Variants in APBB2 observed in about 807,000 individuals in gnomAD.
The protein encoded by APBB2 is Fe65-like 1.
APBB2 carries 38 observed loss-of-function variants against 82.5 expected under a neutral mutation model. The ratio of observed to expected loss-of-function variants is 0.46; its 90% CI spans 0.36 to 0.60. The LOEUF (loss-of-function observed/expected upper bound fraction) is 0.60. Ranked by LOEUF, APBB2 falls within the 20% of genes least tolerant of loss-of-function variation. The pLI is 0.00. For missense variants in APBB2, 772 were observed against 972.3 expected (o/e 0.79, Z 2.74); for synonymous variants, 341 against 368.2 (o/e 0.93, Z 0.85).
intron 12 of APBB2, among the ~76,000 whole-genome samples, chr4:40,876,532 T>C (rs768466227): frequency 6.6e-6 from 1 of 152,220 alleles, no homozygotes; most frequent in African/African-American, 2.4e-5. Context: ...GTATATACCG[T>C]TGTCGCTTGG....
intron 3 of APBB2, among the ~76,000 whole-genome samples, chr4:41,096,938 C>G: frequency 6.6e-6 from 1 of 152,314 alleles, no homozygotes; most frequent in Middle Eastern, 3.4e-3. Context: ...ACAATAGTTG[C>G]TCAACAAATG....
chr4:41,059,170 A>G (rs1263398728), intron 4 of APBB2, among the ~76,000 whole-genome samples: 1 of 152,158 alleles, frequency 6.6e-6, no homozygotes, highest in Non-Finnish European at 1.5e-5. Context: ...CAAGAAAACA[A>G]TAACATTAGG....
chr4:41,073,471 A>G (rs776105016), intron 3 of APBB2, among the ~76,000 whole-genome samples: 1 of 152,110 alleles, frequency 6.6e-6, no homozygotes, highest in Non-Finnish European at 1.5e-5. Flanking sequence ...AATTTCTTCT[A>G]TTCTCTTTGT....
Position 40,823,681 on chromosome 4 carries a change from T to A in APBB2, c.1895A>T (p.Asn632Ile). 1.2e-6 allele frequency: 2 copies of A among 1,613,952 alleles called. No homozygotes were observed. Among genetic ancestry groups the A allele is most frequent in the Non-Finnish European group, 1.7e-6 (2 of 1,179,918 alleles). The stretch of plus-strand genomic sequence containing the variant: ...GACAGTCACAGTGGCATCAGCCACG[T>A]TCATGTTCACTGACAGCCAGTCCTC... ...NKEDWLSVNM[N>I]VADATVTVIS... Residue 632 changes from asparagine to isoleucine, a missense_variant, in exon 16 of 18, where the codon AAC (asparagine) becomes ATC (isoleucine). Physicochemically the swap from Asn to Ile is moderately radical, Grantham distance 149 (BLOSUM62 -3). Coordinates refer to ENST00000508593, the MANE Select transcript of APBB2 (RefSeq NM_004307.2).
intron 6 of APBB2, among the ~76,000 whole-genome samples, chr4:40,982,387 G>GGAAAGGAAAGGAAAGGA (rs1553894022): frequency 9.1e-5 from 1 of 11,008 alleles, no homozygotes; most frequent in African/African-American, 2.6e-4. Context: ...AGGAAGGAAG[G>GGAAAGGAAAGGAAAGGA]AAGGAAAGGA....
intron 5 of APBB2, among the ~76,000 whole-genome samples, chr4:41,022,480 C>A (rs1712034426): frequency 6.6e-6 from 1 of 152,198 alleles, no homozygotes. Context: ...CCCTTCCTTC[C>A]CTCCAGCAAA....
At chr4:41,174,481 T>C (rs1025692528) in intron 1 of APBB2, among the ~76,000 whole-genome samples, 5 of 152,166 alleles carry the variant, frequency 3.3e-5, no homozygotes, top group Non-Finnish European at 1.5e-5. Flanking sequence ...AGCTCATAAC[T>C]AGTAGGAGAC....
At chr4:40,972,445 T>TAAATAAATAAATAAATA (rs372950734) in intron 6 of APBB2, among the ~76,000 whole-genome samples, 38 of 146,986 alleles carry the variant, frequency 2.6e-4, no homozygotes, top group Non-Finnish European at 4.6e-4. Context: ...AAAAAAATAA[T>TAAATAAATAAATAAATA]AATAAATAAA....
chr4:41,184,634 T>TA (rs1356221347), intron 1 of APBB2, among the ~76,000 whole-genome samples: 1 of 152,212 alleles, frequency 6.6e-6, no homozygotes, highest in Non-Finnish European at 1.5e-5. Flanking sequence ...TTTAAGTACT[T>TA]ATTGTGGCAG....
At chr4:41,004,830 C>A (rs1414659506) in intron 6 of APBB2, among the ~76,000 whole-genome samples, 12 of 75,120 alleles carry the variant, frequency 1.6e-4, no homozygotes, top group African/African-American at 4.1e-4. Flanking sequence ...CAGCGAGACC[C>A]CATCTCAAAA....
chr4:41,080,847 T>A (rs1229853585), intron 3 of APBB2, among the ~76,000 whole-genome samples: 3 of 152,004 alleles, frequency 2.0e-5, no homozygotes, highest in Admixed American at 1.3e-4. Flanking sequence ...GGACTACAGG[T>A]GCCTGCCACT....
In APBB2 at chr4:41,061,907, C is replaced by T. The variant is rs1729982043; in HGVS notation, c.-51+3669G>A. Among the ~76,000 whole-genome samples, 4 of 152,248 alleles carry T rather than the reference C, an allele frequency of 2.6e-5. 1 individual carries two copies. In the South Asian group the frequency reaches 8.3e-4, roughly 32 times the overall value. On this transcript the variant is annotated intron_variant, in intron 4 of 17. Coordinates refer to ENST00000508593, the MANE Select transcript of APBB2 (RefSeq NM_004307.2). ...AGCAGTATGCACTGCTGACCCTTGA[C>T]TGATGATTCCGACCACACCTGATGA...
At chr4:40,975,307 T>TC (rs1227336651) in intron 6 of APBB2, among the ~76,000 whole-genome samples, 8 of 152,214 alleles carry the variant, frequency 5.3e-5, no homozygotes, top group Non-Finnish European at 8.8e-5. Context: ...CGTGTTCCAG[T>TC]ATATGGACAA....
chr4:40,923,130 C>T (rs1218449001), intron 10 of APBB2, among the ~76,000 whole-genome samples: 1 of 151,882 alleles, frequency 6.6e-6, no homozygotes, highest in Non-Finnish European at 1.5e-5. Context: ...CGCCCGCCAC[C>T]GCGCCCGGCT....
intron 12 of APBB2, among the ~76,000 whole-genome samples, chr4:40,850,498 T>C (rs1424035028): frequency 6.6e-6 from 1 of 152,220 alleles, no homozygotes; most frequent in African/African-American, 2.4e-5. Context: ...ACGAAATCCC[T>C]ATTTGAATTG....
chr4:41,015,265 G>T (rs558223027), intron 5 of APBB2, among the ~76,000 whole-genome samples: 1 of 152,122 alleles, frequency 6.6e-6, no homozygotes, highest in Non-Finnish European at 1.5e-5. Flanking sequence ...TATGTCTCTC[G>T]CTGGGAAGAA....
chr4:40,820,891 T>C (rs1221280094), intron 17 of APBB2, among the ~76,000 whole-genome samples: 2 of 151,786 alleles, frequency 1.3e-5, no homozygotes, highest in African/African-American at 4.8e-5. Flanking sequence ...TTTTTTGAGA[T>C]GGGTTTCCCT....
chr4:40,964,591 G>T (rs1794136536), intron 6 of APBB2, among the ~76,000 whole-genome samples: 1 of 152,026 alleles, frequency 6.6e-6, no homozygotes, highest in Admixed American at 6.6e-5. Flanking sequence ...GGGAAAATGG[G>T]GGCAACCTGC....
At chr4:40,988,299 A>G (rs957207646) in intron 6 of APBB2, among the ~76,000 whole-genome samples, 2 of 152,198 alleles carry the variant, frequency 1.3e-5, no homozygotes, top group East Asian at 3.9e-4. Flanking sequence ...CAAGTTAATT[A>G]AAGTTTACTA....
Sources: allele counts gnomAD v4.1 joint callset (sites outside exome capture counted in the v4.1 genomes callset), GRCh38; gene constraint gnomAD v4.1.1; transcripts MANE v1.5; gene names NCBI Gene and HGNC (gene_info 2026-07-23, HGNC 2026-07-21).